The following NLGN1 variants were observed in gnomAD, a reference collection of about 807,000 sequenced individuals.
The protein encoded by NLGN1 is neuroligin-1.
A neutral mutation model predicts 65.5 loss-of-function variants in NLGN1; 12 were observed. The observed-to-expected ratio is 0.18, with a 90% confidence interval of 0.12 to 0.30. The LOEUF is 0.30. Among genes scored for constraint, NLGN1 ranks in the 10% least tolerant of loss-of-function variants. NLGN1 has a pLI of 1.00. For missense variants in NLGN1, 750 were observed against 1,007.1 expected (o/e 0.74, Z 3.46); for synonymous variants, 350 against 359.5 (o/e 0.97, Z 0.30).
chr3:173,657,610 A>C lies in NLGN1; in HGVS notation c.493+52519A>C, dbSNP rs961306488. Among the ~76,000 whole-genome samples, 3 of 152,020 alleles carry C rather than the reference A, an allele frequency of 2.0e-5. No individual in the cohort carries two copies. The East Asian group carries it at 5.8e-4, about 29-fold the overall frequency. On this transcript the variant is annotated intron_variant, in intron 3 of 6. Transcript: ENST00000457714. Reference sequence around the variant, plus strand: ...ATGTGAATGCTTTCTCCTTAAAATCATTAGTTGCAAACTTGGTTCACACTC... The same window carrying C: ...ATGTGAATGCTTTCTCCTTAAAATCCTTAGTTGCAAACTTGGTTCACACTC...
At chr3:173,839,092 C>CTTTT (rs11376148) in intron 4 of NLGN1, among the ~76,000 whole-genome samples, 78 of 136,016 alleles carry the variant, frequency 5.7e-4, no homozygotes, top group African/African-American at 2.0e-3. Flanking sequence ...AATTGGATGA[C>CTTTT]TTTTTTTTTT....
intron 4 of NLGN1, among the ~76,000 whole-genome samples, chr3:173,869,685 T>C (rs191131171): frequency 2.6e-5 from 4 of 152,224 alleles, no homozygotes; most frequent in Non-Finnish European, 5.9e-5. Context: ...AAAAAGAAAT[T>C]ATCACAGGTA....
At chr3:173,969,795 A>T (rs1715776270) in intron 4 of NLGN1, among the ~76,000 whole-genome samples, 1 of 152,158 alleles carries the variant, frequency 6.6e-6, no homozygotes, top group Non-Finnish European at 1.5e-5. Context: ...TTCATACAGA[A>T]GGGTGCCTCT....
intron 4 of NLGN1, among the ~76,000 whole-genome samples, chr3:173,991,876 G>A (rs759697640): frequency 6.6e-6 from 1 of 151,954 alleles, no homozygotes; most frequent in African/African-American, 2.4e-5. Flanking sequence ...GCAATGGCGC[G>A]ATCTTGGCTC....
intron 3 of NLGN1, among the ~76,000 whole-genome samples, chr3:173,803,709 T>C (rs886906265): frequency 6.6e-6 from 1 of 152,148 alleles, no homozygotes; most frequent in Non-Finnish European, 1.5e-5. Flanking sequence ...AATTCTGTTA[T>C]GTCCAGTTTA....
chr3:174,041,881 C>G (rs984066734), intron 4 of NLGN1, among the ~76,000 whole-genome samples: 4 of 152,124 alleles, frequency 2.6e-5, no homozygotes, highest in Non-Finnish European at 5.9e-5. Flanking sequence ...TGGTGAAACT[C>G]TGTCTCTGCT....
chr3:173,921,526 G>A (rs1028841261), intron 4 of NLGN1, among the ~76,000 whole-genome samples: 6 of 151,550 alleles, frequency 4.0e-5, no homozygotes, highest in Non-Finnish European at 5.9e-5. Flanking sequence ...TTATTTCTCA[G>A]CAACTCAAAT....
At chr3:174,231,638 A>G (rs1183966529) in intron 4 of NLGN1, among the ~76,000 whole-genome samples, 1 of 152,148 alleles carries the variant, frequency 6.6e-6, no homozygotes, top group African/African-American at 2.4e-5. Context: ...GTAATTCCTA[A>G]TTCTCTGCAT....
At chr3:174,061,316 ATCT>A (rs1354811758) in intron 4 of NLGN1, among the ~76,000 whole-genome samples, 1 of 152,098 alleles carries the variant, frequency 6.6e-6, no homozygotes, top group Non-Finnish European at 1.5e-5. Flanking sequence ...TAGAAAGTAA[ATCT>A]TCTCAGCCAC....
intron 3 of NLGN1, among the ~76,000 whole-genome samples, chr3:173,778,320 C>G (rs571086099): frequency 2.3e-4 from 35 of 151,760 alleles, no homozygotes; most frequent in African/African-American, 8.2e-4. Flanking sequence ...GTATTTCTAC[C>G]ATTGTTAATT....
At chr3:174,267,822 T>G (rs988243977) in intron 4 of NLGN1, among the ~76,000 whole-genome samples, 1 of 152,272 alleles carries the variant, frequency 6.6e-6, no homozygotes, top group Non-Finnish European at 1.5e-5. Flanking sequence ...ATGCTGTCCT[T>G]TATTCAGCAA....
At chr3:174,023,859 T>G (rs904276487) in intron 4 of NLGN1, among the ~76,000 whole-genome samples, 1 of 152,126 alleles carries the variant, frequency 6.6e-6, no homozygotes, top group South Asian at 2.1e-4. Flanking sequence ...GGATTTTATG[T>G]GCAGGGCAGA....
intron 2 of NLGN1, among the ~76,000 whole-genome samples, chr3:173,567,907 A>T (rs62292674): frequency 0.47 from 71,597 of 151,782 alleles, 16,531 homozygotes; most frequent in East Asian, 0.73. Context: ...TCTGAAGATA[A>T]ATTAAACTAT....
chr3:173,803,267 A>C (rs1294278249), intron 3 of NLGN1, among the ~76,000 whole-genome samples: 3 of 152,236 alleles, frequency 2.0e-5, no homozygotes, highest in Non-Finnish European at 4.4e-5. Context: ...TATTTTAAAA[A>C]TTTAAGAAGT....
chr3:173,793,239 C>T (rs1020984225), intron 3 of NLGN1, among the ~76,000 whole-genome samples: 2 of 151,992 alleles, frequency 1.3e-5, no homozygotes, highest in Non-Finnish European at 2.9e-5. Context: ...ATAATTCAAT[C>T]GTGGTAATGG....
intron 2 of NLGN1, among the ~76,000 whole-genome samples, chr3:173,589,932 T>C (rs1221191875): frequency 2.0e-5 from 3 of 152,196 alleles, no homozygotes; most frequent in African/African-American, 7.2e-5. Context: ...TATGGAATAC[T>C]TTCTATGCTT....
At chr3:174,266,006 C>G (rs560212086) in intron 4 of NLGN1, among the ~76,000 whole-genome samples, 1 of 145,776 alleles carries the variant, frequency 6.9e-6, no homozygotes, top group Non-Finnish European at 1.5e-5. Context: ...ATATATTGCC[C>G]TCAGTGCATA....
intron 4 of NLGN1, among the ~76,000 whole-genome samples, chr3:173,992,163 A>G (rs756829855): frequency 7.7e-4 from 118 of 152,280 alleles, no homozygotes; most frequent in African/African-American, 1.6e-3. Context: ...CCCACAATTC[A>G]TAGTAAGAAA....
chr3:173,566,093 G>A lies in NLGN1; in HGVS notation c.-320-38186G>A, dbSNP rs867142256. Among the ~76,000 whole-genome samples, 14 of 152,312 alleles carry A rather than the reference G, an allele frequency of 9.2e-5. No individual in the cohort carries two copies. In the Middle Eastern group the frequency reaches 0.017, roughly 185 times the overall value. ...GCCTATACGGAGTGAGGTATTGTGA[G>A]GAGACGTAAGCCTGTAATTTTTATA... On this transcript the variant is annotated intron_variant, in intron 2 of 6. Transcript: ENST00000457714.
Sources: allele counts gnomAD v4.1 joint callset (sites outside exome capture counted in the v4.1 genomes callset), GRCh38; gene constraint gnomAD v4.1.1; transcripts MANE v1.5; gene names NCBI Gene and HGNC (gene_info 2026-07-23, HGNC 2026-07-21).